SCMH1: variants seen among roughly 807,000 people sequenced by gnomAD.
SCMH1 encodes polycomb protein SCMH1.
In SCMH1, 37 loss-of-function variants were observed where a neutral mutation model predicts 70.8. The ratio of observed to expected loss-of-function variants is 0.52; its 90% CI spans 0.40 to 0.69. SCMH1 has a LOEUF of 0.69. Among genes scored for constraint, SCMH1 ranks in the 30% least tolerant of loss-of-function variants. The pLI is 0.00. For synonymous variants in SCMH1, 292 were observed against 307.4 expected, an observed-to-expected ratio of 0.95 and a Z score of 0.52; for missense variants, 607 against 827.3, an observed-to-expected ratio of 0.73 and a Z score of 3.27.
At chr1:41,128,450 T>G (rs1037373177) in intron 6 of SCMH1, among the ~76,000 whole-genome samples, 25 of 152,176 alleles carry the variant, frequency 1.6e-4, no homozygotes, top group Admixed American at 3.3e-4. Context: ...GCTTAACAAC[T>G]TGTTTTCCTT....
At chr1:41,179,859 T>C (rs983906803) in intron 2 of SCMH1, among the ~76,000 whole-genome samples, 5 of 152,312 alleles carry the variant, frequency 3.3e-5, no homozygotes, top group African/African-American at 1.2e-4. Flanking sequence ...CCCTAACTCA[T>C]TTTATGAGGC....
chr1:41,162,387 G>C (rs1346399456), intron 2 of SCMH1, among the ~76,000 whole-genome samples: 1 of 152,174 alleles, frequency 6.6e-6, no homozygotes, highest in Non-Finnish European at 1.5e-5. Flanking sequence ...GCCAGGGAGA[G>C]CCTGAAGGCT....
intron 1 of SCMH1, among the ~76,000 whole-genome samples, chr1:41,210,938 T>C (rs551466927): frequency 6.6e-6 from 1 of 152,038 alleles, no homozygotes; most frequent in East Asian, 1.9e-4. Flanking sequence ...GCCTCCCCAG[T>C]AGTTGGGATT....
chr1:41,044,724 C>T (rs1571401466), intron 12 of SCMH1, among the ~76,000 whole-genome samples: 1 of 151,718 alleles, frequency 6.6e-6, no homozygotes, highest in Non-Finnish European at 1.5e-5. Flanking sequence ...CTTTGTTTCT[C>T]TTAGTTGGTG....
intron 10 of SCMH1, among the ~76,000 whole-genome samples, chr1:41,051,215 A>G (rs1372895100): frequency 6.6e-6 from 1 of 152,230 alleles, no homozygotes; most frequent in Non-Finnish European, 1.5e-5. Context: ...ATGTAAAGTC[A>G]TAGCACAATG....
At chr1:41,040,845 C>T (rs950058591) in intron 12 of SCMH1, among the ~76,000 whole-genome samples, 34 of 151,820 alleles carry the variant, frequency 2.2e-4, no homozygotes, top group Admixed American at 9.2e-4. Flanking sequence ...GCCTGGGCAA[C>T]GAGAGTGAAA....
At chr1:41,083,896 A>G (rs1329034491) in intron 8 of SCMH1, among the ~76,000 whole-genome samples, 3 of 152,320 alleles carry the variant, frequency 2.0e-5, no homozygotes, top group Admixed American at 6.5e-5. Context: ...TATTTAATAA[A>G]TGGTGCTGGG....
intron 1 of SCMH1, among the ~76,000 whole-genome samples, chr1:41,224,049 T>G (rs998612355): frequency 6.6e-6 from 1 of 152,134 alleles, no homozygotes; most frequent in Admixed American, 6.5e-5. Flanking sequence ...AATAAACGAT[T>G]TATACAGTTC....
At chr1:41,079,834 T>C (rs1329062798) in intron 8 of SCMH1, among the ~76,000 whole-genome samples, 2 of 152,170 alleles carry the variant, frequency 1.3e-5, no homozygotes, top group Admixed American at 6.5e-5. Context: ...CTATCTCTTA[T>C]CTCTAATGCT....
intron 8 of SCMH1, among the ~76,000 whole-genome samples, chr1:41,092,132 G>C (rs1663733389): frequency 6.6e-6 from 1 of 152,150 alleles, no homozygotes; most frequent in South Asian, 2.1e-4. Flanking sequence ...ATACTACAAG[G>C]TTACAGTAAC....
At chr1:41,198,493 TCA>T (rs1186987576) in intron 1 of SCMH1, among the ~76,000 whole-genome samples, 2 of 152,232 alleles carry the variant, frequency 1.3e-5, no homozygotes, top group African/African-American at 2.4e-5. Context: ...AGTAACTTCC[TCA>T]GTTTTTAAAA....
chr1:41,189,437 C>A (rs1280082860), intron 1 of SCMH1, among the ~76,000 whole-genome samples: 1 of 152,212 alleles, frequency 6.6e-6, no homozygotes, highest in East Asian at 1.9e-4. Context: ...AAGGCACGAG[C>A]CACTGCGCCC....
At chr1:41,229,510 T>C (rs1660901026) in intron 1 of SCMH1, among the ~76,000 whole-genome samples, 1 of 152,132 alleles carries the variant, frequency 6.6e-6, no homozygotes, top group South Asian at 2.1e-4. Context: ...AAACACTGCA[T>C]GTTCTCACTC....
At chr1:41,045,858 T>C (rs1411429557) in intron 12 of SCMH1, 1 of 152,524 alleles carries the variant, frequency 6.6e-6, no homozygotes, top group Non-Finnish European at 1.5e-5. Context: ...TGCTTTCCCA[T>C]TGTGGGTCTG....
At chr1:41,073,805 A>G (rs1657339912) in intron 9 of SCMH1, among the ~76,000 whole-genome samples, 1 of 152,224 alleles carries the variant, frequency 6.6e-6, no homozygotes, top group Admixed American at 6.5e-5. Flanking sequence ...TATATTGTAC[A>G]AGGACTGAAG....
At chr1:41,139,423 C>A (rs1643854697) in intron 6 of SCMH1, among the ~76,000 whole-genome samples, 1 of 152,068 alleles carries the variant, frequency 6.6e-6, no homozygotes, top group Non-Finnish European at 1.5e-5. Context: ...ATTCTCGGCT[C>A]CTAGTTATAT....
At chr1:41,042,278 T>G (rs1410574145) in intron 12 of SCMH1, among the ~76,000 whole-genome samples, 1 of 151,880 alleles carries the variant, frequency 6.6e-6, no homozygotes, top group Admixed American at 6.6e-5. Context: ...AGATGGAGTT[T>G]CGCTCTGTCA....
At position 41,136,239 on chromosome 1, in the gene SCMH1, C is replaced by A. The variant is rs1643296130; in HGVS notation, c.412+6639G>T. 2.6e-5 allele frequency among the ~76,000 whole-genome samples: 4 copies of A among 152,104 alleles called. 1 individual carries two copies. In the South Asian group the frequency reaches 8.3e-4, roughly 32 times the overall value. ...GGGATCACAGGTGTGAGCCACCATG[C>A]CTGGCCATGTTTTCTATATCTGTTT... On this transcript the variant is annotated intron_variant, in intron 6 of 14. Coordinates refer to ENST00000337495, the Ensembl canonical transcript of SCMH1.
intron 10 of SCMH1, among the ~76,000 whole-genome samples, chr1:41,063,087 A>G (rs919534759): frequency 2.0e-5 from 3 of 152,136 alleles, no homozygotes; most frequent in Admixed American, 6.5e-5. Context: ...GGAAACTAGA[A>G]AAAGAAGAGC....
Sources: gnomAD v4.1 joint callset for allele counts (sites outside exome capture counted in the v4.1 genomes callset) on GRCh38, gnomAD v4.1.1 for gene constraint, MANE v1.5 for transcripts, NCBI Gene and HGNC (gene_info 2026-07-23, HGNC 2026-07-21) for gene names.